SMIM35: variants seen among roughly 807,000 people sequenced by gnomAD.
SMIM35 encodes the protein small integral membrane protein 35, also known as TMPRSS4 antisense RNA 1 (non-protein coding).
chr11:118,026,169 G>A (rs2058272419), intron 1 of SMIM35, among the ~76,000 whole-genome samples: 2 of 152,192 alleles, frequency 1.3e-5, no homozygotes, highest in Non-Finnish European at 2.9e-5. Context: ...CCTTGTATCA[G>A]TACCATGCTG....
chr11:118,080,779 A>G (rs763292362), intron 1 of SMIM35, among the ~76,000 whole-genome samples: 3 of 152,204 alleles, frequency 2.0e-5, no homozygotes, highest in African/African-American at 4.8e-5. Context: ...GAAACGCCCC[A>G]GGGCAGCAGG....
At position 118,016,209 on chromosome 11, in the gene SMIM35, C is replaced by T. The variant is rs1049141966; in HGVS notation, c.8-400G>A. Among the ~76,000 whole-genome samples, 6 of 152,248 alleles carry T rather than the reference C, an allele frequency of 3.9e-5. No individual in the cohort carries two copies. In the South Asian group the frequency reaches 6.2e-4, roughly 16 times the overall value. On this transcript the variant is annotated intron_variant, in intron 1 of 4. Coordinates refer to ENST00000689828, the MANE Select transcript of SMIM35 (RefSeq NM_001394165.1). ...AACACAGACCGGGGACCCTCAGTCC[C>T]CCCACCCCTTTGCAAAGCTCATGCA...
intron 1 of SMIM35, among the ~76,000 whole-genome samples, chr11:118,025,204 G>A (rs943445031): frequency 2.0e-5 from 3 of 152,134 alleles, no homozygotes; most frequent in Admixed American, 2.0e-4. Context: ...AGTCTTTGCT[G>A]TTGTGAATAG....
At chr11:118,048,031 G>C (rs528603844) in intron 1 of SMIM35, among the ~76,000 whole-genome samples, 2 of 152,348 alleles carry the variant, frequency 1.3e-5, no homozygotes, top group South Asian at 4.1e-4. Context: ...TGCCCCCAGA[G>C]TGGGGGTGCA....
Position 118,010,055 on chromosome 11 carries a change from G to A in SMIM35, c.*34-3679C>T, listed in dbSNP as rs148720695. ...ACCCAAGTGCCCCCATATGTAAAAC[G>A]GGACCAAGAATAATCCCTGTGTCTC... is the stretch of plus-strand genomic sequence containing the variant. On this transcript the variant is annotated intron_variant, in intron 4 of 4. Transcript: ENST00000689828. Among the ~76,000 whole-genome samples the A allele has an allele frequency of 9.5e-3, 1,453 of 152,266 alleles. 21 individuals are homozygous for A. The highest frequency in any genetic ancestry group is 0.034 in the African/African-American group (1,398 of 41,536).
Position 118,021,046 on chromosome 11 carries a change from G to GGTTTTTTTTTTGTTTT in SMIM35, c.8-5238_8-5237insAAAACAAAAAAAAAAC, listed in dbSNP as rs1555070942. Among the ~76,000 whole-genome samples, 36 of 130,814 alleles carry GGTTTTTTTTTTGTTTT rather than the reference G, an allele frequency of 2.8e-4. No individual in the cohort carries two copies. In the East Asian group the frequency reaches 6.5e-3, roughly 23 times the overall value. 85.8% of individuals were successfully genotyped at this position (130,814 alleles called of 152,430 possible). A position where few individuals can be genotyped will look rare whatever the true frequency, so the allele number is the denominator to read the frequency against. ...TTTAGTTTCCAAATTCACAGGGTAAGGTTTTTTTTTTTACTATTTATTAAG... is the reference window on the plus strand; with the variant it reads ...TTTAGTTTCCAAATTCACAGGGTAAGGTTTTTTTTTTGTTTTGTTTTTTTTTTTACTATTTATTAAG... On this transcript the variant is annotated intron_variant, in intron 1 of 4. Transcript: ENST00000689828.
intron 1 of SMIM35, among the ~76,000 whole-genome samples, chr11:118,044,223 C>T (rs538515322): frequency 6.6e-6 from 1 of 150,630 alleles, no homozygotes; most frequent in African/African-American, 2.4e-5. Context: ...GATCCTTACA[C>T]TTAGGTAAGA....
chr11:118,076,536 A>AT (rs1245628168), intron 1 of SMIM35, among the ~76,000 whole-genome samples: 2 of 152,098 alleles, frequency 1.3e-5, no homozygotes, highest in African/African-American at 4.8e-5. Flanking sequence ...ACCAATAGTG[A>AT]TTTTCAGAAT....
intron 1 of SMIM35, among the ~76,000 whole-genome samples, chr11:118,027,591 A>G (rs1401274919): frequency 1.3e-5 from 2 of 152,248 alleles, no homozygotes; most frequent in East Asian, 3.8e-4. Context: ...AGGCATCTCC[A>G]GAACTATGCT....
chr11:118,061,446 A>G (rs916558282), intron 1 of SMIM35, among the ~76,000 whole-genome samples: 2 of 152,160 alleles, frequency 1.3e-5, no homozygotes, highest in African/African-American at 4.8e-5. Context: ...TAAGTAGTAA[A>G]TTATTTCAGG....
intron 4 of SMIM35, among the ~76,000 whole-genome samples, chr11:118,010,791 C>T (rs956073999): frequency 2.0e-5 from 3 of 152,306 alleles, no homozygotes; most frequent in South Asian, 2.1e-4. Context: ...GACCAGCCAG[C>T]CCTTGGACCC....
intron 3 of SMIM35, 23 bp downstream of exon 3, chr11:118,014,685 A>C: frequency 2.5e-6 from 1 of 398,896 alleles, no homozygotes; most frequent in Non-Finnish European, 4.4e-6. Flanking sequence ...CACCTCACCC[A>C]GATATTCCCT....
At position 118,004,607 on chromosome 11, in the gene SMIM35, T is replaced by A. The variant is rs1391859983; in HGVS notation, c.*1803A>T. On this transcript the variant is annotated 3_prime_UTR_variant, in exon 5 of 5. Transcript: ENST00000689828. ...TGAGGCTCAGGGTTAGGGATTCCCA[T>A]GTGAGAGTGAATGAGCTCATAGCCC... 1 of 152,006 alleles carries A rather than the reference T, an allele frequency of 6.6e-6. No individual in the cohort carries two copies. The highest frequency in any genetic ancestry group is 1.5e-5 in the Non-Finnish European group (1 of 68,008). 9.4% of individuals were successfully genotyped at this position (152,006 alleles called of 1,614,324 possible).
chr11:118,078,680 G>C (rs895600477), intron 1 of SMIM35, among the ~76,000 whole-genome samples: 1 of 152,168 alleles, frequency 6.6e-6, no homozygotes, highest in Non-Finnish European at 1.5e-5. Flanking sequence ...GGCAGGCACT[G>C]AGGAGACCTG....
At chr11:118,038,800 A>C (rs1943950691) in intron 1 of SMIM35, among the ~76,000 whole-genome samples, 1 of 152,250 alleles carries the variant, frequency 6.6e-6, no homozygotes, top group Non-Finnish European at 1.5e-5. Flanking sequence ...GGAATCAGAA[A>C]AGAAAACAAT....
chr11:118,058,716 G>A (rs1670128164), intron 1 of SMIM35, among the ~76,000 whole-genome samples: 1 of 152,198 alleles, frequency 6.6e-6, no homozygotes, highest in South Asian at 2.1e-4. Context: ...GCGGCGCAGA[G>A]CACGTCCTGC....
At chr11:118,068,487 C>A (rs1030030369) in intron 1 of SMIM35, among the ~76,000 whole-genome samples, 3 of 152,128 alleles carry the variant, frequency 2.0e-5, no homozygotes, top group Admixed American at 2.0e-4. Context: ...TAGAGGCGCT[C>A]GTAAACGTTG....
intron 1 of SMIM35, among the ~76,000 whole-genome samples, chr11:118,051,122 G>A (rs750408986): frequency 7.2e-5 from 11 of 152,188 alleles, no homozygotes; most frequent in African/African-American, 1.2e-4. Flanking sequence ...AGTGGATATC[G>A]GAGGCATTGT....
At chr11:118,035,935 T>C (rs1287245637) in intron 1 of SMIM35, among the ~76,000 whole-genome samples, 2 of 152,210 alleles carry the variant, frequency 1.3e-5, no homozygotes, top group Non-Finnish European at 2.9e-5. Flanking sequence ...TCGCCCAGGC[T>C]GGAGTGCAGT....
Sources: allele counts gnomAD v4.1 joint callset (sites outside exome capture counted in the v4.1 genomes callset), GRCh38; gene constraint gnomAD v4.1.1; transcripts MANE v1.5; gene names NCBI Gene and HGNC (gene_info 2026-07-23, HGNC 2026-07-21).